The following ENTR1 variants were observed in gnomAD, a reference collection of about 807,000 sequenced individuals.
ENTR1 encodes endosome-associated-trafficking regulator 1.
In ENTR1, 47 loss-of-function variants were observed where a neutral mutation model predicts 47.9. The ratio of observed to expected loss-of-function variants is 0.98; its 90% confidence interval spans 0.78 to 1.25. The LOEUF (loss-of-function observed/expected upper bound fraction) is 1.25. Ranked by LOEUF, ENTR1 falls within the 50% of genes most tolerant of loss-of-function variation. The pLI is 0.00. For missense variants in ENTR1, 668 were observed against 570.5 expected, an observed-to-expected ratio of 1.17 and a Z score of -1.74; for synonymous variants, 290 against 245.8, an observed-to-expected ratio of 1.18 and a Z score of -1.68.
intron 3 of ENTR1, 33 bp downstream of exon 3, chr9:136,408,966 A>G: frequency 6.3e-7 from 1 of 1,586,468 alleles, no homozygotes; most frequent in East Asian, 2.2e-5. Context: ...TGTTGGATGG[A>G]GACAAGAAGA....
At chr9:136,404,915 C>A in intron 7 of ENTR1, 176 bp downstream of exon 7, 1 of 672,072 alleles carries the variant, frequency 1.5e-6, no homozygotes. Context: ...CGGATGCCCT[C>A]GTGGGCCAGC....
At chr9:136,404,950 G>A (rs957806044) in intron 7 of ENTR1, 141 bp downstream of exon 7, 39 of 720,788 alleles carry the variant, frequency 5.4e-5, no homozygotes, top group South Asian at 3.5e-4. Context: ...GCGAGACAGC[G>A]ACGTCAAAGA....
intron 5 of ENTR1, chr9:136,406,939 A>G: frequency 5.3e-6 from 3 of 563,876 alleles, no homozygotes; most frequent in East Asian, 5.9e-5. Context: ...CACAGCTTCT[A>G]GCTCACCAGT....
intron 2 of ENTR1, among the ~76,000 whole-genome samples, chr9:136,409,672 C>T (rs1834982066): frequency 6.6e-6 from 1 of 152,002 alleles, no homozygotes. Flanking sequence ...CATAACCACA[C>T]AAACACTCCT....
At position 136,405,189 on chromosome 9, in the gene ENTR1, C is replaced by G; in HGVS notation, c.907G>C (p.Glu303Gln). ...EAQTEMVRTL[E>Q]RKLEAKMIKE... ...ATCATTTTTGCTTCTAACTTCCGCT[C>G]AAGCGTCCTCACCCTTGTTAAAGAA... The change falls in exon 7 of 10, where the codon GAG (glutamate) becomes CAG (glutamine). Residue 303 changes from glutamate to glutamine, a missense_variant. Transcript: ENST00000357365. 6.2e-7 allele frequency: 1 copy of G among 1,613,768 alleles called. No homozygotes were observed. Among genetic ancestry groups the G allele is most frequent in the Non-Finnish European group, 8.5e-7 (1 of 1,179,758 alleles).
At chr9:136,406,118 G>A (rs1047059781) in intron 5 of ENTR1, 140 bp from the exon 6 acceptor site, 4 of 513,950 alleles carry the variant, frequency 7.8e-6, no homozygotes, top group African/African-American at 6.0e-5. Context: ...CACTACAGAG[G>A]GAGACCACAG....
chr9:136,408,127 C>T (rs570280277), intron 3 of ENTR1, among the ~76,000 whole-genome samples, 189 bp from the exon 4 acceptor site: 2 of 152,314 alleles, frequency 1.3e-5, no homozygotes, highest in South Asian at 2.1e-4. Flanking sequence ...CACAGACGTG[C>T]GTCTGCATTT....
At chr9:136,409,182 AC>A in intron 2 of ENTR1, 115 bp from the exon 3 acceptor site, 1 of 787,290 alleles carries the variant, frequency 1.3e-6, no homozygotes, top group Non-Finnish European at 2.0e-6. Context: ...AGTCTAGAGA[AC>A]TTTTTTTTTT....
chr9:136,408,382 T>C (rs551471854), intron 3 of ENTR1, among the ~76,000 whole-genome samples: 54 of 152,040 alleles, frequency 3.6e-4, no homozygotes, highest in Non-Finnish European at 6.3e-4. Flanking sequence ...ACTGAGACCA[T>C]CCTGGCTAAC....
In ENTR1 at chr9:136,407,217, G is replaced by A. The variant is rs755220884; in HGVS notation, c.747C>T (p.Ser249=). ...ACTCTCCATGAACCGCAAAGTCTGC[G>A]CTAGGACTCCCTGCCGGAGAGGCCG... is the stretch of plus-strand genomic sequence containing the variant. ...VSPASPAGSP[S]ADFAVHGESL... The change falls in exon 5 of 10, where the codon AGC becomes AGT. Residue 249 remains serine (S), a synonymous_variant. Coordinates refer to ENST00000357365, the MANE Select transcript of ENTR1 (RefSeq NM_001039707.2). The A allele has an allele frequency of 2.3e-5, 37 of 1,613,062 alleles. No homozygotes were observed. Among genetic ancestry groups the A allele is most frequent in the South Asian group, 1.9e-4 (17 of 91,074 alleles).
Position 136,402,702 on chromosome 9 carries a change from T to TGTCC in ENTR1, c.*85_*86insGGAC. 1 of 902,134 alleles carries TGTCC rather than the reference T, an allele frequency of 1.1e-6. No homozygotes were observed. The highest frequency in any genetic ancestry group is 1.8e-6 in the Non-Finnish European group (1 of 557,408). 55.9% of individuals were successfully genotyped at this position (902,134 alleles called of 1,614,324 possible). The stretch of plus-strand genomic sequence containing the variant: ...CTTTACTCTGGGTGAAGACTGCATA[T>TGTCC]TTAAGGACACAACTGCACATTTAGA... On this transcript the variant is annotated 3_prime_UTR_variant, in exon 10 of 10. Coordinates refer to ENST00000357365, the MANE Select transcript of ENTR1 (RefSeq NM_001039707.2).
chr9:136,407,614 C>T lies in ENTR1; in HGVS notation c.403-53G>A, dbSNP rs370529310. The T allele has an allele frequency of 7.6e-5, 114 of 1,499,442 alleles. No homozygotes were observed. In the African/African-American group the frequency reaches 9.5e-4, roughly 13 times the overall value. The allele number at this position is 1,499,442 out of a possible 1,614,324, so 92.9% of individuals were successfully genotyped here. A position where few individuals can be genotyped will look rare whatever the true frequency, so the allele number is the denominator to read the frequency against. ...TGGAGGCCATGCTTCTGACTCGGAG[C>T]GCATCTTCCTTTCTGTGTTCTGCCT... On this transcript the variant is annotated intron_variant, in intron 4 of 9. Transcript: ENST00000357365.
At chr9:136,409,817 C>T (rs1245794104) in intron 2 of ENTR1, 1 of 581,684 alleles carries the variant, frequency 1.7e-6, no homozygotes, top group South Asian at 1.8e-5. Flanking sequence ...GTGAAGGCAC[C>T]CCGACTCCAG....
chr9:136,405,439 A>G (rs1834719407), intron 6 of ENTR1: 1 of 504,918 alleles, frequency 2.0e-6, no homozygotes, highest in Non-Finnish European at 3.6e-6. Flanking sequence ...TTTTGCCTAA[A>G]GTTTAAAATA....
In ENTR1 at chr9:136,410,565, G is replaced by A. The variant is rs1379135349; in HGVS notation, c.-168C>T. 2 of 1,157,450 alleles carry A rather than the reference G, an allele frequency of 1.7e-6. No homozygotes were observed. The highest frequency in any genetic ancestry group is 6.2e-5 in the East Asian group (2 of 32,108). 71.7% of individuals were successfully genotyped at this position (1,157,450 alleles called of 1,614,324 possible). Reference sequence around the variant, plus strand: ...AGCCTCTCGCCGCTGCTTCCGCTCCGAGCACCGAAAGCGCGTGCCTGAACG... The same window carrying A: ...AGCCTCTCGCCGCTGCTTCCGCTCCAAGCACCGAAAGCGCGTGCCTGAACG... On this transcript the variant is annotated 5_prime_UTR_variant, in exon 1 of 10. Coordinates refer to ENST00000357365, the MANE Select transcript of ENTR1 (RefSeq NM_001039707.2).
Position 136,404,651 on chromosome 9 carries a change from G to C in ENTR1, c.1048C>G (p.Gln350Glu), listed in dbSNP as rs376895352. ...ATTACCTGGAGCAAACTGATTTCCT[G>C]TTTTAGTTTCACGACGTGGTTTTCT... is the stretch of plus-strand genomic sequence containing the variant. ...KAENHVVKLK[Q>E]EISLLQAQVS... Residue 350 changes from glutamine (Q) to glutamate (E), a missense_variant, in exon 8 of 10, where the codon CAG becomes GAG. Transcript: ENST00000357365. 2 of 1,614,082 alleles carry C rather than the reference G, an allele frequency of 1.2e-6. No individual in the cohort carries two copies. Among genetic ancestry groups the C allele is most frequent in the Non-Finnish European group, 1.7e-6 (2 of 1,180,012 alleles).
At position 136,410,513 on chromosome 9, in the gene ENTR1, C is replaced by T. The variant is rs546915615; in HGVS notation, c.-116G>A. Reference sequence around the variant, plus strand: ...GCCCCCGTCGCCCGCCCCCGTCGCCCGCCGCTCGGCCGCCCCCGCGCCTCC... The same window carrying T: ...GCCCCCGTCGCCCGCCCCCGTCGCCTGCCGCTCGGCCGCCCCCGCGCCTCC... On this transcript the variant is annotated 5_prime_UTR_variant, in exon 1 of 10. Transcript: ENST00000357365. The T allele has an allele frequency of 6.0e-6, 6 of 996,992 alleles. No individual in the cohort carries two copies. Among genetic ancestry groups the T allele is most frequent in the African/African-American group, 3.5e-5 (2 of 57,604 alleles). 61.8% of individuals were successfully genotyped at this position (996,992 alleles called of 1,614,324 possible).
intron 5 of ENTR1, among the ~76,000 whole-genome samples, 162 bp from the exon 6 acceptor site, chr9:136,406,140 C>T (rs1245353921): frequency 6.6e-6 from 1 of 152,168 alleles, no homozygotes; most frequent in East Asian, 1.9e-4. Flanking sequence ...CGGAGGCAGG[C>T]ACTTTTCAAA....
chr9:136,405,969 C>T lies in ENTR1; in HGVS notation c.829G>A (p.Glu277Lys). Residue 277 changes from glutamate (E) to lysine (K), a missense_variant, in exon 6 of 10, where the codon GAA becomes AAA. Glu to Lys is a moderately conservative substitution (Grantham distance 56, BLOSUM62 1). Coordinates refer to ENST00000357365, the MANE Select transcript of ENTR1 (RefSeq NM_001039707.2). ...AGCTTTCTTCTCAGCTTAGAATTTT[C>T]ATCTTTCAGCTGTGGAGAGAGAACA... ...LQISYDALKD[E>K]NSKLRRKLNE... 1 of 1,608,724 alleles carries T rather than the reference C, an allele frequency of 6.2e-7. No individual in the cohort carries two copies.
Sources: allele counts gnomAD v4.1 joint callset (sites outside exome capture counted in the v4.1 genomes callset), GRCh38; gene constraint gnomAD v4.1.1; transcripts MANE v1.5; gene names NCBI Gene and HGNC (gene_info 2026-07-23, HGNC 2026-07-21).